The following MROH7 variants were observed in gnomAD, a reference collection of about 807,000 sequenced individuals.
MROH7 encodes the protein maestro heat-like repeat-containing protein family member 7.
Under a neutral mutation model 129.2 loss-of-function variants are expected in MROH7, and 113 were observed. The ratio of observed to expected loss-of-function variants is 0.87; its 90% CI spans 0.75 to 1.02. The LOEUF is 1.02. Among genes scored for constraint, MROH7 ranks in the 50% least tolerant of loss-of-function variants. The probability of loss-of-function intolerance (pLI) is 0.00; values close to 1 mark genes in which losing one functional copy is unlikely to be tolerated. For synonymous variants in MROH7, 655 were observed against 667.9 expected, an observed-to-expected ratio of 0.98 and a Z score of 0.30; for missense variants, 1,601 against 1,671.3, an observed-to-expected ratio of 0.96 and a Z score of 0.73.
At chr1:54,650,909 G>A (rs1014351370) in intron 1 of MROH7, among the ~76,000 whole-genome samples, 1 of 151,998 alleles carries the variant, frequency 6.6e-6, no homozygotes, top group African/African-American at 2.4e-5. Context: ...TTTTTTTGTA[G>A]GGACAGAGTC....
chr1:54,681,758 G>A (rs1025400663), intron 13 of MROH7, among the ~76,000 whole-genome samples: 3 of 152,178 alleles, frequency 2.0e-5, no homozygotes, highest in South Asian at 2.1e-4. Context: ...GAGGCTCCCT[G>A]ATATTATGTG....
chr1:54,663,808 C>A, intron 3 of MROH7: 1 of 453,580 alleles, frequency 2.2e-6, no homozygotes. Flanking sequence ...TGGAATCGAC[C>A]TTTTCTCCAA....
At chr1:54,689,219 CCAGACA>C (rs1645196232) in intron 15 of MROH7, among the ~76,000 whole-genome samples, 1 of 152,038 alleles carries the variant, frequency 6.6e-6, no homozygotes, top group Non-Finnish European at 1.5e-5. Flanking sequence ...GAAGAGAGGC[CCAGACA>C]CAGGGGAGAA....
At chr1:54,680,610 T>G (rs1307949146) in intron 13 of MROH7, among the ~76,000 whole-genome samples, 1 of 152,228 alleles carries the variant, frequency 6.6e-6, no homozygotes, top group Non-Finnish European at 1.5e-5. Flanking sequence ...CTCACTGTCT[T>G]CAGGGAGCTC....
At chr1:54,673,629 G>T (rs2101114993) in intron 8 of MROH7, 72 bp from the exon 9 acceptor site, 2 of 1,142,454 alleles carry the variant, frequency 1.8e-6, no homozygotes, top group East Asian at 2.3e-5. Flanking sequence ...ATGGGTGAAG[G>T]CTGGCCTGTC....
rs747833251 is a variant in MROH7 at position 54,670,781 on chromosome 1, C to T, written c.1470-19C>T. ...GCCCCTCTCTCACTCCATTTCTTTG[C>T]TTTCTGCCTCTTCTCCAGCCACACC... On this transcript the variant is annotated intron_variant, in intron 6 of 23. Coordinates refer to ENST00000421030, the MANE Select transcript of MROH7 (RefSeq NM_001039464.4). 6.2e-7 allele frequency: 1 copy of T among 1,610,620 alleles called. No homozygotes were observed. Among genetic ancestry groups the T allele is most frequent in the East Asian group, 2.2e-5 (1 of 44,736 alleles).
Position 54,642,813 on chromosome 1 carries a change from C to G in MROH7, c.-110+845C>G, listed in dbSNP as rs1644408680. ...TATTTTTTGTAGTGACGCGGTTTTG[C>G]CATGTTGTTCAGGCTGGCCTTGAAC... On this transcript the variant is annotated intron_variant, in intron 1 of 23. Transcript: ENST00000421030. Among the ~76,000 whole-genome samples, 3 of 137,960 alleles carry G rather than the reference C, an allele frequency of 2.2e-5. No individual in the cohort carries two copies. In the South Asian group the frequency reaches 7.3e-4, roughly 34 times the overall value. 90.5% of individuals were successfully genotyped at this position (137,960 alleles called of 152,430 possible).
chr1:54,677,613 C>A (rs1254182083), intron 10 of MROH7, among the ~76,000 whole-genome samples: 1 of 152,134 alleles, frequency 6.6e-6, no homozygotes, highest in African/African-American at 2.4e-5. Context: ...AGCTCCTCTC[C>A]TTTACAAACA....
intron 5 of MROH7, among the ~76,000 whole-genome samples, chr1:54,669,519 A>G (rs1320428476): frequency 1.3e-5 from 2 of 152,196 alleles, no homozygotes; most frequent in Non-Finnish European, 2.9e-5. Flanking sequence ...AATGAGAAGC[A>G]ATTAGAAGGA....
At chr1:54,699,159 T>TTTCTTTCCTTTCTTTCTTTC (rs71048705) in intron 17 of MROH7, 5 of 65,978 alleles carry the variant, frequency 7.6e-5, no homozygotes, top group African/African-American at 1.1e-4. Context: ...TCTTTCTTTC[T>TTTCTTTCCTTTCTTTCTTTC]TTTCTTTCTT....
chr1:54,668,088 A>G (rs1164879735), intron 4 of MROH7, among the ~76,000 whole-genome samples: 2 of 152,204 alleles, frequency 1.3e-5, no homozygotes, highest in Non-Finnish European at 1.5e-5. Context: ...CTCTCTTTGC[A>G]TGGTCTGTAA....
intron 1 of MROH7, chr1:54,651,126 A>C (rs2101061836): frequency 6.6e-6 from 1 of 152,414 alleles, no homozygotes; most frequent in East Asian, 1.9e-4. Flanking sequence ...ACCCCTTGCC[A>C]AAAGAAATTA....
At chr1:54,691,529 G>T (rs1362644715) in intron 15 of MROH7, among the ~76,000 whole-genome samples, 1 of 152,106 alleles carries the variant, frequency 6.6e-6, no homozygotes, top group Admixed American at 6.5e-5. Context: ...ATATAGGCTG[G>T]GTGCTGTGGC....
chr1:54,702,049 C>T (rs547057388), intron 19 of MROH7, 41 bp from the exon 20 acceptor site: 248 of 1,506,568 alleles, frequency 1.6e-4, no homozygotes, highest in Non-Finnish European at 1.7e-4. Flanking sequence ...TGAGTGGCGT[C>T]CCAGAGGAGG....
rs894104860 is a variant in MROH7, at chr1:54,703,857, A to G, written c.3564+1112A>G. Reference sequence around the variant, plus strand: ...AGAAGTCAAGTTACAATGTAGCTTCAGCACAGGCCTCAGCCAACACTGCCA... The same window carrying G: ...AGAAGTCAAGTTACAATGTAGCTTCGGCACAGGCCTCAGCCAACACTGCCA... On this transcript the variant is annotated intron_variant, in intron 21 of 23. Coordinates refer to ENST00000421030, the MANE Select transcript of MROH7 (RefSeq NM_001039464.4). The surrounding 1 kb of genome is among the most constrained non-coding windows in gnomAD (Gnocchi z 4.4). 6.6e-6 allele frequency among the ~76,000 whole-genome samples: 1 copy of G among 152,230 alleles called. No homozygotes were observed. Among genetic ancestry groups the G allele is most frequent in the African/African-American group, 2.4e-5 (1 of 41,466 alleles).
At chr1:54,657,530 C>A (rs11206408) in intron 3 of MROH7, among the ~76,000 whole-genome samples, 21 of 151,870 alleles carry the variant, frequency 1.4e-4, no homozygotes, top group African/African-American at 5.1e-4. Context: ...AGGCACACAC[C>A]ACTACATCTA....
At chr1:54,689,322 T>G (rs1645197592) in intron 15 of MROH7, among the ~76,000 whole-genome samples, 1 of 152,244 alleles carries the variant, frequency 6.6e-6, no homozygotes, top group Admixed American at 6.5e-5. Flanking sequence ...AAGGAAGCAT[T>G]CTCCCCTGGA....
chr1:54,645,100 A>G (rs771940499), intron 1 of MROH7, among the ~76,000 whole-genome samples: 6 of 152,044 alleles, frequency 3.9e-5, no homozygotes, highest in Non-Finnish European at 7.4e-5. Context: ...ATGAGCCACC[A>G]TGCCCAGCCA....
intron 10 of MROH7, among the ~76,000 whole-genome samples, chr1:54,674,694 A>G (rs1054078725): frequency 2.0e-5 from 3 of 152,168 alleles, no homozygotes; most frequent in Non-Finnish European, 2.9e-5. Context: ...TTCAGGGAGC[A>G]CTTCGTGATG....
Sources: gnomAD v4.1 joint callset for allele counts (sites outside exome capture counted in the v4.1 genomes callset) on GRCh38, gnomAD v4.1.1 for gene constraint, Gnocchi (gnomAD v3.1) non-coding constraint, MANE v1.5 for transcripts, NCBI Gene and HGNC (gene_info 2026-07-23, HGNC 2026-07-21) for gene names.